Variants in CHEK2 observed in about 807,000 individuals in gnomAD.
The protein encoded by CHEK2 is checkpoint kinase 2, also known as serine/threonine-protein kinase Chk2.
Under a neutral mutation model 69.1 loss-of-function variants are expected in CHEK2, and 71 were observed. The ratio of observed to expected loss-of-function variants is 1.03; its 90% CI spans 0.85 to 1.25. The LOEUF is 1.25. CHEK2 is among the 50% of genes most tolerant of loss of function. The pLI, the probability that CHEK2 is intolerant of heterozygous loss-of-function variation, is 0.00. For synonymous variants in CHEK2, 189 were observed against 226.9 expected, an observed-to-expected ratio of 0.83 and a Z score of 1.50; for missense variants, 664 against 649.6, an observed-to-expected ratio of 1.02 and a Z score of -0.24.
At chr22:28,715,639 C>G (rs1360076794) in intron 5 of CHEK2, among the ~76,000 whole-genome samples, 1 of 152,018 alleles carries the variant, frequency 6.6e-6, no homozygotes, top group East Asian at 1.9e-4. Context: ...CGGCTGGTCT[C>G]AAACTCCTGA....
intron 10 of CHEK2, among the ~76,000 whole-genome samples, chr22:28,696,652 C>A (rs2052596377): frequency 6.6e-6 from 1 of 152,148 alleles, no homozygotes; most frequent in Admixed American, 6.6e-5. Flanking sequence ...AGCCACCATA[C>A]CCAGCCCACT....
intron 2 of CHEK2, chr22:28,726,431 AAT>A (rs2054014426): frequency 6.8e-6 from 1 of 146,950 alleles, no homozygotes; most frequent in Non-Finnish European, 1.5e-5. Flanking sequence ...TATTATATAT[AAT>A]ATATATAATT....
At chr22:28,695,897 T>A (rs1212589493) in intron 10 of CHEK2, 24 bp from the exon 11 acceptor site, 1 of 1,586,710 alleles carries the variant, frequency 6.3e-7, no homozygotes, top group South Asian at 1.1e-5. Flanking sequence ...CAAAAGGGAA[T>A]AATGTTGAAC....
chr22:28,726,502 A>T (rs2146082113), intron 2 of CHEK2: 1 of 146,316 alleles, frequency 6.8e-6, no homozygotes, highest in East Asian at 2.0e-4. Context: ...ATATAATTAT[A>T]TATTTATACA....
intron 5 of CHEK2, chr22:28,712,285 C>G: frequency 2.2e-6 from 1 of 456,292 alleles, no homozygotes; most frequent in Non-Finnish European, 3.9e-6. Flanking sequence ...GTGAAATTCC[C>G]AGAAAGATAC....
intron 9 of CHEK2, among the ~76,000 whole-genome samples, chr22:28,699,236 C>G (rs2052718593): frequency 6.6e-6 from 1 of 152,132 alleles, no homozygotes; most frequent in African/African-American, 2.4e-5. Flanking sequence ...CTCTTGGGCT[C>G]AAGTGATCCT....
intron 8 of CHEK2, among the ~76,000 whole-genome samples, chr22:28,701,280 G>T (rs556394947): frequency 1.3e-5 from 2 of 151,552 alleles, no homozygotes; most frequent in Non-Finnish European, 2.9e-5. Flanking sequence ...TGTCCATCAC[G>T]GCTCACTACA....
At position 28,708,952 on chromosome 22, in the gene CHEK2, C is replaced by CAA. The variant is rs374623367; in HGVS notation, c.846+1052_846+1053dup. 2,644 of 329,736 alleles carry CAA rather than the reference C, an allele frequency of 8.0e-3. 14 individuals are homozygous for CAA. Among genetic ancestry groups the CAA allele is most frequent in the Non-Finnish European group, 9.0e-3 (1,559 of 173,492 alleles). 20.4% of individuals were successfully genotyped at this position (329,736 alleles called of 1,614,324 possible). ...TGGGTGACAGAGCGAGCCTCCGTCT[C>CAA]AAAAAAAAAAAAAAAAAAAAAACAA... On this transcript the variant is annotated intron_variant, in intron 7 of 14. Coordinates refer to ENST00000404276, the MANE Select transcript of CHEK2 (RefSeq NM_007194.4).
intron 1 of CHEK2, among the ~76,000 whole-genome samples, chr22:28,735,129 C>G (rs1290029426): frequency 6.6e-6 from 1 of 152,008 alleles, no homozygotes; most frequent in Non-Finnish European, 1.5e-5. Context: ...TACAGGGGGC[C>G]AGGCGCGGGG....
Position 28,717,390 on chromosome 22 carries a change from A to T in CHEK2, c.683+2005T>A, listed in dbSNP as rs112065495. On this transcript the variant is annotated intron_variant, in intron 5 of 14. Transcript: ENST00000404276. ...GAGACTCCATCTCAAGAAGAAAAAA[A>T]TAAATGTAACTCATCTTAACATGTA... Among the ~76,000 whole-genome samples the T allele has an allele frequency of 5.3e-4, 80 of 152,280 alleles. 1 individual carries two copies. The highest frequency in any genetic ancestry group is 1.9e-3 in the African/African-American group (77 of 41,550).
At chr22:28,735,405 CA>C (rs139247305) in intron 1 of CHEK2, among the ~76,000 whole-genome samples, 1,881 of 141,942 alleles carry the variant, frequency 0.013, 39 homozygotes, top group East Asian at 0.08. Flanking sequence ...GACTCCGTTT[CA>C]AAAAAAAAAA....
chr22:28,713,422 T>G (rs1306470987), intron 5 of CHEK2, among the ~76,000 whole-genome samples: 2 of 148,294 alleles, frequency 1.3e-5, no homozygotes, highest in Middle Eastern at 3.3e-3. Flanking sequence ...TGCAGTGGCG[T>G]GATCTCGGCT....
chr22:28,705,368 C>T (rs546003734), intron 7 of CHEK2, among the ~76,000 whole-genome samples: 2 of 152,044 alleles, frequency 1.3e-5, no homozygotes, highest in South Asian at 2.1e-4. Context: ...TGAGCCACTG[C>T]ACCCGGCCCA....
chr22:28,741,077 G>T (rs2054540470), intron 1 of CHEK2, among the ~76,000 whole-genome samples: 1 of 147,064 alleles, frequency 6.8e-6, no homozygotes, highest in East Asian at 2.0e-4. Context: ...TTGAACCCAG[G>T]AGGCAGAAGT....
At chr22:28,695,567 G>T in intron 11 of CHEK2, 143 bp downstream of exon 11, 2 of 747,510 alleles carry the variant, frequency 2.7e-6, no homozygotes, top group Non-Finnish European at 4.8e-6. Flanking sequence ...TGAGGTGGGA[G>T]GATCACTTGA....
intron 7 of CHEK2, among the ~76,000 whole-genome samples, chr22:28,709,656 G>A (rs543427123): frequency 2.0e-5 from 3 of 151,402 alleles, no homozygotes; most frequent in African/African-American, 7.3e-5. Flanking sequence ...TCACTCTGTC[G>A]CCCAGGCTGG....
chr22:28,693,930 A>G, intron 13 of CHEK2, 102 bp downstream of exon 13: 1 of 802,376 alleles, frequency 1.2e-6, no homozygotes, highest in Non-Finnish European at 2.2e-6. Flanking sequence ...AATTAGATTA[A>G]ACACTCAACA....
chr22:28,699,160 A>G (rs2052714036), intron 9 of CHEK2, among the ~76,000 whole-genome samples: 1 of 152,014 alleles, frequency 6.6e-6, no homozygotes, highest in Non-Finnish European at 1.5e-5. Flanking sequence ...GCCCGCCACC[A>G]TGCCTGGCTA....
intron 1 of CHEK2, among the ~76,000 whole-genome samples, 192 bp from the exon 2 acceptor site, chr22:28,734,919 T>A (rs1407141288): frequency 6.6e-6 from 1 of 151,606 alleles, no homozygotes; most frequent in Non-Finnish European, 1.5e-5. Context: ...TTTCACCAGA[T>A]CATTGTCACC....
Sources: gnomAD v4.1 joint callset for allele counts (sites outside exome capture counted in the v4.1 genomes callset) on GRCh38, gnomAD v4.1.1 for gene constraint, MANE v1.5 for transcripts, NCBI Gene and HGNC (gene_info 2026-07-23, HGNC 2026-07-21) for gene names.